Variants in PPM1E observed in about 807,000 individuals in gnomAD.
PPM1E encodes protein phosphatase 1E.
A neutral mutation model predicts 65.9 loss-of-function variants in PPM1E; 20 were observed. The ratio of observed to expected loss-of-function variants is 0.30; its 90% confidence interval spans 0.21 to 0.44. The LOEUF (loss-of-function observed/expected upper bound fraction) is 0.44, where lower values mean the gene tolerates loss of function less well. PPM1E is among the 20% of genes least tolerant of loss of function. The pLI is 1.00. For missense variants in PPM1E, 713 were observed against 953.1 expected (o/e 0.75, Z 3.32); for synonymous variants, 352 against 374.9 (o/e 0.94, Z 0.70).
At chr17:58,863,198 C>T (rs574868698) in intron 1 of PPM1E, among the ~76,000 whole-genome samples, 1 of 152,336 alleles carries the variant, frequency 6.6e-6, no homozygotes, top group African/African-American at 2.4e-5. Flanking sequence ...GGCATGGTGG[C>T]TCACGCCTGT....
At chr17:58,792,048 T>C (rs933588114) in intron 1 of PPM1E, among the ~76,000 whole-genome samples, 3 of 152,016 alleles carry the variant, frequency 2.0e-5, no homozygotes, top group Non-Finnish European at 2.9e-5. Context: ...TATGTGTTTC[T>C]CCCATTTTCT....
chr17:58,847,115 T>A (rs928577213), intron 1 of PPM1E, among the ~76,000 whole-genome samples: 4 of 152,058 alleles, frequency 2.6e-5, no homozygotes, highest in African/African-American at 9.7e-5. Flanking sequence ...TTTGATGGGG[T>A]TGTTTGATTT....
intron 1 of PPM1E, among the ~76,000 whole-genome samples, chr17:58,823,882 C>T (rs1365688007): frequency 6.6e-6 from 1 of 152,076 alleles, no homozygotes; most frequent in African/African-American, 2.4e-5. Flanking sequence ...AGGTACCCGC[C>T]ACCACACCCG....
intron 1 of PPM1E, among the ~76,000 whole-genome samples, chr17:58,865,491 A>G (rs1333595681): frequency 2.6e-5 from 4 of 152,190 alleles, no homozygotes; most frequent in Non-Finnish European, 5.9e-5. Context: ...CGGGAAGATC[A>G]TTTGAGCCCA....
chr17:58,956,204 T>A (rs981970925), intron 2 of PPM1E, among the ~76,000 whole-genome samples: 1 of 151,986 alleles, frequency 6.6e-6, no homozygotes, highest in Non-Finnish European at 1.5e-5. Context: ...GAGGCTGAGG[T>A]GGGCAGATCA....
At chr17:58,947,478 C>T (rs1397013727) in intron 1 of PPM1E, among the ~76,000 whole-genome samples, 1 of 151,418 alleles carries the variant, frequency 6.6e-6, no homozygotes, top group Non-Finnish European at 1.5e-5. Flanking sequence ...CTCAGGTGAT[C>T]CACCCACCTT....
intron 1 of PPM1E, among the ~76,000 whole-genome samples, chr17:58,765,683 GA>G (rs911500083): frequency 6.6e-6 from 1 of 151,292 alleles, no homozygotes; most frequent in Admixed American, 6.6e-5. Flanking sequence ...CGTAGTTTAA[GA>G]AAAAAAAAGA....
At chr17:58,946,791 T>C (rs1179371977) in intron 1 of PPM1E, among the ~76,000 whole-genome samples, 1 of 152,216 alleles carries the variant, frequency 6.6e-6, no homozygotes, top group African/African-American at 2.4e-5. Context: ...CTTTTCACTT[T>C]ACTGATTTGT....
intron 1 of PPM1E, among the ~76,000 whole-genome samples, chr17:58,772,645 G>A (rs2049951778): frequency 6.6e-6 from 1 of 152,126 alleles, no homozygotes; most frequent in South Asian, 2.1e-4. Flanking sequence ...AAGGCATGGA[G>A]ATGAGAAAGC....
intron 1 of PPM1E, among the ~76,000 whole-genome samples, chr17:58,805,764 T>C (rs1398978673): frequency 6.6e-6 from 1 of 152,006 alleles, no homozygotes; most frequent in Admixed American, 6.6e-5. Flanking sequence ...TTTCATTTTC[T>C]GATCATCAAG....
chr17:58,955,761 A>T lies in PPM1E; in HGVS notation c.577A>T (p.Thr193Ser), dbSNP rs754451932. The T allele has an allele frequency of 3.8e-6, 6 of 1,596,792 alleles. No individual in the cohort carries two copies. The highest frequency in any genetic ancestry group is 5.1e-6 in the Non-Finnish European group (6 of 1,175,694). Residue 193 changes from threonine (T) to serine (S), a missense_variant, in exon 2 of 7, where the codon ACT (threonine) becomes TCT (serine). Thr to Ser is a moderately conservative substitution (Grantham distance 58). This residue lies in a region of PPM1E where 84 missense variants were observed against 113.9 expected (regional missense o/e 0.74). Coordinates refer to ENST00000308249, the MANE Select transcript of PPM1E (RefSeq NM_014906.5). ...AAAGGAAACGGATGGCACAGAAGGG[A>T]CTGTGGGTGAGTACCTTTCTACATT... ...IPKETDGTEG[T>S]VEIETVKLAR... is the part of the protein sequence containing the mutation.
Position 58,764,226 on chromosome 17 carries a change from G to A in PPM1E, c.464+7765G>A, listed in dbSNP as rs568578876. On this transcript the variant is annotated intron_variant, in intron 1 of 6. Coordinates refer to ENST00000308249, the MANE Select transcript of PPM1E (RefSeq NM_014906.5). ...TTCAAATACTTAATAATTATATGGGGCTAATGGCTACCATAACAAACAATT... is the reference window on the plus strand; with the variant it reads ...TTCAAATACTTAATAATTATATGGGACTAATGGCTACCATAACAAACAATT... Among the ~76,000 whole-genome samples, 391 of 151,746 alleles carry A rather than the reference G, an allele frequency of 2.6e-3. 1 individual carries two copies. Among genetic ancestry groups the A allele is most frequent in the Middle Eastern group, 6.8e-3 (2 of 294 alleles).
chr17:58,885,115 G>C (rs745472835), intron 1 of PPM1E, among the ~76,000 whole-genome samples: 27 of 152,096 alleles, frequency 1.8e-4, no homozygotes, highest in Non-Finnish European at 3.7e-4. Context: ...GGAGTGCAGT[G>C]GCGTGATCTC....
chr17:58,768,247 C>T (rs1224961682), intron 1 of PPM1E, among the ~76,000 whole-genome samples: 1 of 151,980 alleles, frequency 6.6e-6, no homozygotes, highest in Non-Finnish European at 1.5e-5. Flanking sequence ...CCACTGTGCC[C>T]TGCTATTTTT....
chr17:58,801,147 G>A (rs181388162), intron 1 of PPM1E, among the ~76,000 whole-genome samples: 2 of 152,234 alleles, frequency 1.3e-5, no homozygotes, highest in Non-Finnish European at 2.9e-5. Flanking sequence ...CTTGCTGGAT[G>A]TAGTGTTCTA....
In PPM1E at chr17:58,980,942, T is replaced by G. The variant is rs199719648; in HGVS notation, c.2179T>G (p.Trp727Gly). 3 of 1,614,188 alleles carry G rather than the reference T, an allele frequency of 1.9e-6. No individual in the cohort carries two copies. Among genetic ancestry groups the G allele is most frequent in the Non-Finnish European group, 2.5e-6 (3 of 1,180,022 alleles). The change falls in exon 7 of 7, where the codon TGG becomes GGG. Residue 727 changes from tryptophan (W) to glycine (G), a missense_variant. Physicochemically the swap from Trp to Gly is radical, Grantham distance 184. Around this residue, in one of 6 missense-constraint regions of PPM1E, gnomAD observed 286 missense variants for 313.8 expected, o/e 0.91. Coordinates refer to ENST00000308249, the MANE Select transcript of PPM1E (RefSeq NM_014906.5). This position sits in a 1 kb window ranked among gnomAD's most constrained non-coding sequence, Gnocchi z 4.7. ...RSSLPWRQNS[W>G]KGYSENMRKL... is the part of the protein sequence containing the mutation. ...TTCTCTGCCATGGAGGCAAAATAGT[T>G]GGAAAGGGTACAGTGAAAACATGAG...
At chr17:58,791,745 A>G (rs2050159537) in intron 1 of PPM1E, among the ~76,000 whole-genome samples, 1 of 152,112 alleles carries the variant, frequency 6.6e-6, no homozygotes, top group Non-Finnish European at 1.5e-5. Context: ...GGGCTACATC[A>G]CATGTATGGA....
intron 1 of PPM1E, among the ~76,000 whole-genome samples, chr17:58,944,561 A>G (rs1223449510): frequency 6.7e-6 from 1 of 149,482 alleles, no homozygotes; most frequent in Non-Finnish European, 1.5e-5. Flanking sequence ...GGCTTTTCAT[A>G]TAATTATTAT....
intron 1 of PPM1E, among the ~76,000 whole-genome samples, chr17:58,772,776 G>A (rs1191049047): frequency 6.6e-6 from 1 of 152,066 alleles, no homozygotes; most frequent in Non-Finnish European, 1.5e-5. Flanking sequence ...TTACTACTGG[G>A]CACTGTAGAC....
Sources: gnomAD v4.1 joint callset for allele counts (sites outside exome capture counted in the v4.1 genomes callset) on GRCh38, gnomAD v4.1.1 for gene constraint, gnomAD v4.1.1 regional missense constraint, Gnocchi (gnomAD v3.1) non-coding constraint, MANE v1.5 for transcripts, NCBI Gene and HGNC (gene_info 2026-07-23, HGNC 2026-07-21) for gene names.